The following TSHZ3 variants were observed in gnomAD, a reference collection of about 807,000 sequenced individuals.
The protein encoded by TSHZ3 is teashirt zinc finger homeobox 3.
A neutral mutation model predicts 64.5 loss-of-function variants in TSHZ3; 10 were observed. That is an observed-to-expected ratio of 0.16 (90% CI 0.10 to 0.26). The LOEUF (loss-of-function observed/expected upper bound fraction) is 0.26. Among genes scored for constraint, TSHZ3 ranks in the 10% least tolerant of loss-of-function variants. TSHZ3 has a pLI of 1.00. For synonymous variants in TSHZ3, 608 were observed against 593.1 expected (o/e 1.03, Z -0.36); for missense variants, 1,242 against 1,421.7 (o/e 0.87, Z 2.03).
chr19:31,153,079 G>T (rs1360188111), intron 6 of TSHZ3, among the ~76,000 whole-genome samples: 1 of 152,122 alleles, frequency 6.6e-6, no homozygotes, highest in Admixed American at 6.6e-5. Flanking sequence ...TATCTCACTG[G>T]ATGGTTTCAT....
intron 6 of TSHZ3, among the ~76,000 whole-genome samples, chr19:31,152,616 A>G (rs1974256855): frequency 6.6e-6 from 1 of 152,136 alleles, no homozygotes; most frequent in African/African-American, 2.4e-5. Flanking sequence ...GGCCCTGGGA[A>G]GAGCCAGTGT....
chr19:31,219,598 G>C (rs1025694691), intron 4 of TSHZ3, among the ~76,000 whole-genome samples: 5 of 151,996 alleles, frequency 3.3e-5, no homozygotes, highest in African/African-American at 1.2e-4. Context: ...TTGAAATGTG[G>C]CCTGTGCAAT....
intron 1 of TSHZ3, among the ~76,000 whole-genome samples, chr19:31,330,937 C>G (rs528511368): frequency 6.6e-6 from 1 of 152,194 alleles, no homozygotes; most frequent in East Asian, 1.9e-4. Flanking sequence ...CGGGCATGTC[C>G]CCAGTCACCA....
Position 31,277,050 on chromosome 19 carries a change from G to A in TSHZ3, c.2743C>T (p.Arg915Trp), listed in dbSNP as rs766398534. Residue 915 changes from arginine to tryptophan, a missense_variant, in exon 2 of 2, where the codon CGG (arginine) becomes TGG (tryptophan). Arg to Trp is a moderately radical substitution (Grantham distance 101). Transcript: ENST00000240587. This position sits in a 1 kb window ranked among gnomAD's most constrained non-coding sequence, Gnocchi z 4.5. ...ILQAQFAASL[R>W]QTSEGKYIMS... ...ATGTACTTCCCTTCTGAGGTCTGCC[G>A]GAGGCTGGCGGCAAACTGGGCCTGG... 4 of 1,609,080 alleles carry A rather than the reference G, an allele frequency of 2.5e-6. No individual in the cohort carries two copies. Among genetic ancestry groups the A allele is most frequent in the African/African-American group, 2.7e-5 (2 of 74,784 alleles).
chr19:31,192,184 T>C (rs1974920222), intron 5 of TSHZ3, among the ~76,000 whole-genome samples: 2 of 152,124 alleles, frequency 1.3e-5, no homozygotes, highest in African/African-American at 4.8e-5. Context: ...ACAAGATGAA[T>C]ATTAAATATA....
chr19:31,226,930 G>T (rs1301327906), intron 4 of TSHZ3, among the ~76,000 whole-genome samples: 1 of 140,340 alleles, frequency 7.1e-6, no homozygotes, highest in African/African-American at 2.8e-5. Flanking sequence ...ACTATCCCTT[G>T]CAGATACTTT....
At chr19:31,337,823 G>A (rs1293901170) in intron 1 of TSHZ3, among the ~76,000 whole-genome samples, 2 of 151,884 alleles carry the variant, frequency 1.3e-5, no homozygotes, top group African/African-American at 2.4e-5. Flanking sequence ...AGTTGCAGGC[G>A]TTTTACATGT....
intron 3 of TSHZ3, among the ~76,000 whole-genome samples, chr19:31,240,587 T>C (rs1000109512): frequency 6.6e-6 from 1 of 152,218 alleles, no homozygotes; most frequent in Non-Finnish European, 1.5e-5. Flanking sequence ...TTAGTTATCA[T>C]AAATATAGCT....
At chr19:31,209,685 G>C (rs1168621471) in intron 4 of TSHZ3, among the ~76,000 whole-genome samples, 3 of 152,184 alleles carry the variant, frequency 2.0e-5, no homozygotes, top group African/African-American at 7.2e-5. Context: ...TGCTAGGAAA[G>C]CATCATGGGA....
chr19:31,240,851 A>G (rs1975679092), intron 3 of TSHZ3, among the ~76,000 whole-genome samples: 1 of 152,086 alleles, frequency 6.6e-6, no homozygotes, highest in Non-Finnish European at 1.5e-5. Context: ...TCTGTTACTG[A>G]ATTTCCATTC....
At chr19:31,166,498 G>T (rs1022774174) in intron 5 of TSHZ3, among the ~76,000 whole-genome samples, 1 of 152,154 alleles carries the variant, frequency 6.6e-6, no homozygotes, top group Non-Finnish European at 1.5e-5. Context: ...TCCCAGGAAG[G>T]CTGCAGCCAA....
At chr19:31,250,784 A>G (rs906543525) in intron 1 of TSHZ3, among the ~76,000 whole-genome samples, 2 of 152,206 alleles carry the variant, frequency 1.3e-5, no homozygotes, top group African/African-American at 2.4e-5. Flanking sequence ...ACTGCTTAGC[A>G]CTGAGCCTGA....
rs561614251 is a variant in TSHZ3, at chr19:31,230,544, C to T, written n.551-2404G>A. On this transcript the variant is annotated intron_variant and non_coding_transcript_variant, in intron 3 of 6. Coordinates refer to the TSHZ3 transcript ENST00000651361. ...AAAAATGGTCTTCAGGAAGCTTTTT[C>T]GGGGAAATTCTTACAGCCAAAAACT... Among the ~76,000 whole-genome samples, 17 of 152,078 alleles carry T rather than the reference C, an allele frequency of 1.1e-4. No individual in the cohort carries two copies. The East Asian group carries it at 3.3e-3, about 29-fold the overall frequency.
rs148458128 is a variant in TSHZ3 at position 31,164,747 on chromosome 19, G to T, written n.810-8330C>A. On this transcript the variant is annotated intron_variant and non_coding_transcript_variant, in intron 5 of 6. Transcript: ENST00000651361. ...TCCTGTTCCAGCAGCTCTCCCCGGG[G>T]TGAGGTGCAGCTCCCACCAAGCTCT... Among the ~76,000 whole-genome samples, 31 of 152,296 alleles carry T rather than the reference G, an allele frequency of 2.0e-4. No individual in the cohort carries two copies. In the East Asian group the frequency reaches 2.9e-3, roughly 14 times the overall value.
intron 5 of TSHZ3, among the ~76,000 whole-genome samples, chr19:31,165,527 C>G (rs1029653557): frequency 6.6e-6 from 1 of 152,072 alleles, no homozygotes; most frequent in Non-Finnish European, 1.5e-5. Context: ...ATAAAATAAA[C>G]GAAGAAACAA....
At chr19:31,152,500 T>G (rs1974255093) in intron 6 of TSHZ3, among the ~76,000 whole-genome samples, 1 of 152,132 alleles carries the variant, frequency 6.6e-6, no homozygotes, top group Non-Finnish European at 1.5e-5. Flanking sequence ...GACATCCTCT[T>G]GAGTTCACAG....
chr19:31,187,313 A>AT (rs1008889315), intron 5 of TSHZ3, among the ~76,000 whole-genome samples: 1 of 151,946 alleles, frequency 6.6e-6, no homozygotes, highest in African/African-American at 2.4e-5. Flanking sequence ...CATCTCTGAG[A>AT]TTTTTCCAAG....
At chr19:31,212,381 C>T (rs961550850) in intron 4 of TSHZ3, among the ~76,000 whole-genome samples, 1 of 152,110 alleles carries the variant, frequency 6.6e-6, no homozygotes, top group Non-Finnish European at 1.5e-5. Flanking sequence ...TCACTTGAAC[C>T]TGGAAGTCGG....
chr19:31,151,781 C>T (rs983179990), intron 6 of TSHZ3, among the ~76,000 whole-genome samples: 1 of 152,138 alleles, frequency 6.6e-6, no homozygotes, highest in Non-Finnish European at 1.5e-5. Context: ...CAAAAATACA[C>T]TCGTGAAATT....
Sources: gnomAD v4.1 joint callset for allele counts (sites outside exome capture counted in the v4.1 genomes callset) on GRCh38, gnomAD v4.1.1 for gene constraint, Gnocchi (gnomAD v3.1) non-coding constraint, MANE v1.5 for transcripts, NCBI Gene and HGNC (gene_info 2026-07-23, HGNC 2026-07-21) for gene names.